The following LRFN5 variants were observed in gnomAD, a reference collection of about 807,000 sequenced individuals.
The protein encoded by LRFN5 is leucine rich repeat and fibronectin type III domain containing 5.
In LRFN5, 24 loss-of-function variants were observed where a neutral mutation model predicts 45.6. The ratio of observed to expected loss-of-function variants is 0.53; its 90% CI spans 0.38 to 0.74. LRFN5 has a LOEUF of 0.74. LRFN5 is among the 30% of genes least tolerant of loss of function. LRFN5 has a pLI of 0.00. For synonymous variants in LRFN5, 340 were observed against 313.8 expected (o/e 1.08, Z -0.88); for missense variants, 776 against 861.5 (o/e 0.90, Z 1.24).
At position 41,621,129 on chromosome 14, in the gene LRFN5, C is replaced by T. The variant is rs138707710; in HGVS notation, c.-197+12567C>T. 2.6e-3 allele frequency among the ~76,000 whole-genome samples: 398 copies of T among 151,724 alleles called. 2 individuals carry two copies. The highest frequency in any genetic ancestry group is 9.1e-3 in the African/African-American group (376 of 41,368). On this transcript the variant is annotated intron_variant, in intron 1 of 5. Coordinates refer to ENST00000298119, the MANE Select transcript of LRFN5 (RefSeq NM_152447.5). ...CATTTTGTTTACATTTGAGGATACA[C>T]GAAAAAGAAAAGAGTCCTAATTTTT... is the stretch of plus-strand genomic sequence containing the variant.
At position 41,827,139 on chromosome 14, in the gene LRFN5, A is replaced by G. The variant is rs371474735; in HGVS notation, c.-20-59467A>G. 3.3e-5 allele frequency among the ~76,000 whole-genome samples: 5 copies of G among 152,142 alleles called. No individual in the cohort carries two copies. In the East Asian group the frequency reaches 5.8e-4, roughly 18 times the overall value. ...ACCTGAAGGATAGAAATTAATTAAG[A>G]TTAATATCAAGTGAATTAGTGTTGA... On this transcript the variant is annotated intron_variant, in intron 2 of 5. Coordinates refer to ENST00000298119, the MANE Select transcript of LRFN5 (RefSeq NM_152447.5).
intron 1 of LRFN5, among the ~76,000 whole-genome samples, chr14:41,635,649 G>T (rs1418569809): frequency 6.6e-6 from 1 of 152,044 alleles, no homozygotes; most frequent in African/African-American, 2.4e-5. Flanking sequence ...TGAAGAACAG[G>T]TTAGATTACA....
chr14:41,796,793 G>A (rs1887148421), intron 2 of LRFN5, among the ~76,000 whole-genome samples: 1 of 151,560 alleles, frequency 6.6e-6, no homozygotes, highest in Admixed American at 6.6e-5. Flanking sequence ...TCTTGCTTTG[G>A]GTATGTTTAC....
At chr14:41,867,250 G>A (rs900018326) in intron 2 of LRFN5, among the ~76,000 whole-genome samples, 5 of 152,022 alleles carry the variant, frequency 3.3e-5, no homozygotes, top group Non-Finnish European at 7.4e-5. Flanking sequence ...GACTCTTGAT[G>A]ATTTACTTAG....
chr14:41,629,230 A>G (rs2138575294), intron 1 of LRFN5, among the ~76,000 whole-genome samples: 1 of 152,274 alleles, frequency 6.6e-6, no homozygotes, highest in East Asian at 1.9e-4. Flanking sequence ...GTTATTCTTC[A>G]TTAATCAAAA....
In LRFN5 at chr14:41,780,525, T is replaced by G. The variant is rs1183893454; in HGVS notation, c.-21+13496T>G. Among the ~76,000 whole-genome samples the G allele has an allele frequency of 2.0e-5, 3 of 152,092 alleles. No homozygotes were observed. In the East Asian group the frequency reaches 5.8e-4, roughly 29 times the overall value. On this transcript the variant is annotated intron_variant, in intron 2 of 5. Transcript: ENST00000298119. The stretch of plus-strand genomic sequence containing the variant: ...AGCTTTCTTTTGATTAGTGTTAGTA[T>G]GGTCTATATTTCTTCATCCCTTTAG...
chr14:41,793,580 TATTGTCCAACTGGGACG>T (rs1314306529), intron 2 of LRFN5, among the ~76,000 whole-genome samples: 3 of 152,134 alleles, frequency 2.0e-5, no homozygotes, highest in African/African-American at 7.2e-5. Context: ...CACTACAATT[TATTGTCCAACTGGGACG>T]TTTCAGCTGT....
Position 41,606,980 on chromosome 14 carries a change from CGCCCCGGCCGCGGCCGCA to C in LRFN5, c.-1771_-1754del. Among the ~76,000 whole-genome samples, 1 of 152,104 alleles carries C rather than the reference CGCCCCGGCCGCGGCCGCA, an allele frequency of 6.6e-6. No homozygotes were observed. Among genetic ancestry groups the C allele is most frequent in the African/African-American group, 2.4e-5 (1 of 41,550 alleles). On this transcript the variant is annotated 5_prime_UTR_variant, in exon 1 of 6. Coordinates refer to ENST00000298119, the MANE Select transcript of LRFN5 (RefSeq NM_152447.5). ...CTTTGGGAAGCCCAGCTCCCGGGTC[CGCCCCGGCCGCGGCCGCA>C]GCCCCGGACCTCGGCTGCTTGCCTC...
intron 1 of LRFN5, among the ~76,000 whole-genome samples, chr14:41,751,304 T>C (rs1408712227): frequency 6.6e-6 from 1 of 152,096 alleles, no homozygotes; most frequent in Non-Finnish European, 1.5e-5. Flanking sequence ...AGCACTATGG[T>C]AAAATTCAAA....
chr14:41,679,537 T>A (rs1450113249), intron 1 of LRFN5, among the ~76,000 whole-genome samples: 1 of 152,066 alleles, frequency 6.6e-6, no homozygotes. Flanking sequence ...TTGAAGGGAA[T>A]GGCCCAGTAC....
At chr14:41,900,536 T>G (rs1891071260) in intron 5 of LRFN5, among the ~76,000 whole-genome samples, 1 of 152,092 alleles carries the variant, frequency 6.6e-6, no homozygotes, top group Non-Finnish European at 1.5e-5. Context: ...AATAAATGAC[T>G]GTCATATATT....
intron 3 of LRFN5, among the ~76,000 whole-genome samples, chr14:41,888,296 T>C (rs1056503772): frequency 2.0e-5 from 3 of 152,148 alleles, no homozygotes; most frequent in African/African-American, 7.2e-5. Context: ...ATTATAAAAA[T>C]TCAAAAACAT....
chr14:41,868,772 G>A (rs1266482330), intron 2 of LRFN5, among the ~76,000 whole-genome samples: 11 of 152,134 alleles, frequency 7.2e-5, no homozygotes, highest in Admixed American at 7.2e-4. Flanking sequence ...TTTGTGAAAT[G>A]CATTATTCAT....
Position 41,887,918 on chromosome 14 carries a change from A to C in LRFN5, c.1293A>C (p.Ala431=). The change falls in exon 3 of 6, where the codon GCA becomes GCC. Residue 431 remains alanine (A), a synonymous_variant. Transcript: ENST00000298119. This position sits in a 1 kb window ranked among gnomAD's most constrained non-coding sequence, Gnocchi z 4.8. ...IVVAEATSST[A]LLKFNFQRNI... ...TGGCAGAAGCTACATCATCAACGGC[A>C]CTACTTAAATTTAATTTTCAAAGAA... 6.2e-7 allele frequency: 1 copy of C among 1,613,892 alleles called. No homozygotes were observed. Among genetic ancestry groups the C allele is most frequent in the South Asian group, 1.1e-5 (1 of 91,070 alleles).
intron 1 of LRFN5, among the ~76,000 whole-genome samples, chr14:41,628,248 A>G (rs895353971): frequency 1.3e-5 from 2 of 152,270 alleles, no homozygotes; most frequent in Admixed American, 6.5e-5. Context: ...CTGTCAGTGA[A>G]GTCATTTATC....
chr14:41,710,445 C>T (rs1269769870), intron 1 of LRFN5, among the ~76,000 whole-genome samples: 1 of 151,814 alleles, frequency 6.6e-6, no homozygotes, highest in Non-Finnish European at 1.5e-5. Flanking sequence ...AATATGTATT[C>T]AGTAGAGGGT....
chr14:41,888,362 G>C (rs1202559722), intron 3 of LRFN5, among the ~76,000 whole-genome samples: 1 of 152,110 alleles, frequency 6.6e-6, no homozygotes, highest in Non-Finnish European at 1.5e-5. Context: ...ACGTTGGGAG[G>C]CTATACCATT....
intron 1 of LRFN5, among the ~76,000 whole-genome samples, chr14:41,678,471 T>G (rs773128619): frequency 2.6e-5 from 4 of 152,132 alleles, no homozygotes; most frequent in Non-Finnish European, 4.4e-5. Context: ...TACCCCATTT[T>G]CAATAATGGA....
At chr14:41,903,780 C>A (rs1470066090) in intron 5 of LRFN5, among the ~76,000 whole-genome samples, 1 of 151,858 alleles carries the variant, frequency 6.6e-6, no homozygotes, top group Non-Finnish European at 1.5e-5. Context: ...TTGTAAGTAG[C>A]ATGCTTTAAT....
Sources: allele counts gnomAD v4.1 joint callset (sites outside exome capture counted in the v4.1 genomes callset), GRCh38; gene constraint gnomAD v4.1.1; non-coding constraint Gnocchi (gnomAD v3.1); transcripts MANE v1.5; gene names NCBI Gene and HGNC (gene_info 2026-07-23, HGNC 2026-07-21).